The following SENP7 variants were observed in gnomAD, a reference collection of about 807,000 sequenced individuals.
The protein encoded by SENP7 is SUMO specific peptidase 7.
In SENP7, 64 loss-of-function variants were observed where a neutral mutation model predicts 141.2. That is an observed-to-expected ratio of 0.45 (90% CI 0.37 to 0.56). SENP7 has a LOEUF of 0.56. SENP7 is among the 20% of genes least tolerant of loss of function. The pLI is 0.00. For missense variants in SENP7, 1,025 were observed against 1,212.2 expected (o/e 0.85, Z 2.29); for synonymous variants, 382 against 426.4 (o/e 0.90, Z 1.28).
At chr3:101,426,685 T>A (rs1321232714) in intron 4 of SENP7, among the ~76,000 whole-genome samples, 1 of 152,062 alleles carries the variant, frequency 6.6e-6, no homozygotes, top group Non-Finnish European at 1.5e-5. Flanking sequence ...TTTCATCATG[T>A]TGGCCAGCCT....
In SENP7 at chr3:101,365,634, CAAAAAAAAAAAAAA is replaced by C. The variant is rs1010380283; in HGVS notation, c.1319-657_1319-644del. ...TGGCCGACAGAGAGAGACTCTGTCT[CAAAAAAAAAAAAAA>C]AAAAAAAAAGAACTTTCTAATTAAT... is the stretch of plus-strand genomic sequence containing the variant. On this transcript the variant is annotated intron_variant, in intron 9 of 23. Coordinates refer to ENST00000394095, the MANE Select transcript of SENP7 (RefSeq NM_020654.5). 1.3e-4 allele frequency among the ~76,000 whole-genome samples: 8 copies of C among 62,134 alleles called. No individual in the cohort carries two copies. The South Asian group carries it at 3.2e-3, about 25-fold the overall frequency. The allele number at this position is 62,134 out of a possible 152,430, so 40.8% of individuals were successfully genotyped here. A position where few individuals can be genotyped will look rare whatever the true frequency, so the allele number is the denominator to read the frequency against.
intron 4 of SENP7, among the ~76,000 whole-genome samples, chr3:101,443,769 C>T (rs1184281260): frequency 0.054 from 1,472 of 27,460 alleles, 439 homozygotes; most frequent in African/African-American, 0.096. Context: ...GATTTTTGTA[C>T]ATTGTGATTT....
At chr3:101,439,546 T>TG (rs2062559373) in intron 4 of SENP7, among the ~76,000 whole-genome samples, 7 of 23,188 alleles carry the variant, frequency 3.0e-4, no homozygotes, top group East Asian at 1.7e-3. Context: ...GGGAGGGAGG[T>TG]GGGGGGGTCA....
At chr3:101,388,473 T>C (rs917081862) in intron 6 of SENP7, among the ~76,000 whole-genome samples, 1 of 152,150 alleles carries the variant, frequency 6.6e-6, no homozygotes, top group African/African-American at 2.4e-5. Context: ...CAAGCAACAC[T>C]ATATATACAC....
chr3:101,500,665 G>C (rs2065342799), intron 2 of SENP7, among the ~76,000 whole-genome samples: 1 of 152,056 alleles, frequency 6.6e-6, no homozygotes, highest in Non-Finnish European at 1.5e-5. Context: ...AGAAATAAAT[G>C]AAAAAAAGAG....
chr3:101,482,302 G>A (rs2064522819), intron 3 of SENP7, among the ~76,000 whole-genome samples: 3 of 148,464 alleles, frequency 2.0e-5, no homozygotes, highest in Non-Finnish European at 4.4e-5. Context: ...GACAGAGCGA[G>A]ACTCTGTCTC....
intron 3 of SENP7, among the ~76,000 whole-genome samples, chr3:101,478,987 G>C (rs1409333525): frequency 6.6e-6 from 1 of 151,908 alleles, no homozygotes; most frequent in Non-Finnish European, 1.5e-5. Flanking sequence ...AAAAAAATTT[G>C]ATAAAATAAT....
chr3:101,340,915 G>C (rs1413217065), intron 15 of SENP7, among the ~76,000 whole-genome samples: 1 of 152,184 alleles, frequency 6.6e-6, no homozygotes. Flanking sequence ...GGAATAGGTA[G>C]AGCAGTACTC....
chr3:101,348,914 C>G (rs1180949028), intron 12 of SENP7, among the ~76,000 whole-genome samples: 1 of 152,124 alleles, frequency 6.6e-6, no homozygotes. Flanking sequence ...AAGATGGGCA[C>G]CTATTTGAAA....
At chr3:101,341,582 C>G (rs2059327903) in intron 15 of SENP7, 64 bp downstream of exon 15, 1 of 1,311,732 alleles carries the variant, frequency 7.6e-7, no homozygotes, top group Non-Finnish European at 1.0e-6. Flanking sequence ...TACTGAAAAG[C>G]AGCAACATGA....
At chr3:101,395,312 G>A (rs2060936061) in intron 6 of SENP7, among the ~76,000 whole-genome samples, 1 of 152,256 alleles carries the variant, frequency 6.6e-6, no homozygotes, top group East Asian at 1.9e-4. Flanking sequence ...TTTATCTTGG[G>A]TTGATTTTTT....
At chr3:101,345,673 A>G (rs2059437339) in intron 13 of SENP7, among the ~76,000 whole-genome samples, 1 of 152,170 alleles carries the variant, frequency 6.6e-6, no homozygotes, top group Non-Finnish European at 1.5e-5. Context: ...TGGGGAAAGG[A>G]CACCTTATTC....
intron 4 of SENP7, among the ~76,000 whole-genome samples, chr3:101,425,758 G>A (rs1409049274): frequency 6.6e-6 from 1 of 152,068 alleles, no homozygotes; most frequent in East Asian, 1.9e-4. Flanking sequence ...AGGAAGCTAA[G>A]AATCACAATA....
intron 11 of SENP7, among the ~76,000 whole-genome samples, chr3:101,353,040 T>C (rs1352965242): frequency 1.3e-5 from 2 of 151,994 alleles, no homozygotes; most frequent in Non-Finnish European, 2.9e-5. Flanking sequence ...TTTCCAGCTT[T>C]AGTAAGATCC....
intron 11 of SENP7, chr3:101,358,102 T>C (rs1376890788): frequency 6.6e-5 from 37 of 559,046 alleles, no homozygotes; most frequent in Non-Finnish European, 1.0e-4. Context: ...ATGTGAAGAA[T>C]GTGGCAAAAT....
In SENP7 at chr3:101,361,313, C is replaced by T. The variant is rs112066688; in HGVS notation, c.1623+402G>A. Among the ~76,000 whole-genome samples the T allele has an allele frequency of 1.1e-4, 17 of 151,870 alleles. 1 individual carries two copies. The highest frequency in any genetic ancestry group is 9.7e-4 in the East Asian group (5 of 5,168). On this transcript the variant is annotated intron_variant, in intron 11 of 23. Coordinates refer to ENST00000394095, the MANE Select transcript of SENP7 (RefSeq NM_020654.5). ...TTTTCTTTTTTAATTAGAAAAACAG[C>T]GTAGGATTAGTTCCTGGATATCCTT...
chr3:101,497,378 G>C (rs1434927331), intron 2 of SENP7, among the ~76,000 whole-genome samples: 1 of 152,076 alleles, frequency 6.6e-6, no homozygotes, highest in Non-Finnish European at 1.5e-5. Context: ...ACACAGACAT[G>C]GGTTTCTAAA....
intron 5 of SENP7, among the ~76,000 whole-genome samples, chr3:101,401,709 A>G (rs1051396126): frequency 6.6e-6 from 1 of 152,174 alleles, no homozygotes; most frequent in African/African-American, 2.4e-5. Flanking sequence ...ACTCTCTTCA[A>G]TTCTATGAAG....
intron 11 of SENP7, among the ~76,000 whole-genome samples, chr3:101,360,176 C>CA (rs913374543): frequency 4.6e-5 from 7 of 151,836 alleles, no homozygotes; most frequent in Non-Finnish European, 1.0e-4. Flanking sequence ...AACCAGTGGC[C>CA]AAAAAAATGT....
Sources: gnomAD v4.1 joint callset for allele counts (sites outside exome capture counted in the v4.1 genomes callset) on GRCh38, gnomAD v4.1.1 for gene constraint, MANE v1.5 for transcripts, NCBI Gene and HGNC (gene_info 2026-07-23, HGNC 2026-07-21) for gene names.